SORBS2: variants seen among roughly 807,000 people sequenced by gnomAD.
SORBS2 encodes the protein sorbin and SH3 domain-containing protein 2.
SORBS2 carries 46 observed loss-of-function variants against 97.7 expected under a neutral mutation model. That is an observed-to-expected ratio of 0.47 (90% CI 0.37 to 0.60). SORBS2 has a LOEUF of 0.60. SORBS2 is among the 20% of genes least tolerant of loss of function. The probability of loss-of-function intolerance (pLI) is 0.00; values close to 1 mark genes in which losing one functional copy is unlikely to be tolerated. For missense variants in SORBS2, 1,316 were observed against 1,282.3 expected (o/e 1.03, Z -0.40); for synonymous variants, 476 against 473.4 (o/e 1.01, Z -0.07).
At chr4:185,940,434 G>A (rs1032597044) in intron 1 of SORBS2, among the ~76,000 whole-genome samples, 5 of 152,076 alleles carry the variant, frequency 3.3e-5, no homozygotes, top group African/African-American at 1.2e-4. Context: ...TTGCAATCCT[G>A]TTGCAGCTCA....
At chr4:185,901,238 T>C (rs1038664061) in intron 1 of SORBS2, among the ~76,000 whole-genome samples, 1 of 152,142 alleles carries the variant, frequency 6.6e-6, no homozygotes, top group African/African-American at 2.4e-5. Context: ...AGTTTCACTC[T>C]TGTTGCCCAG....
At position 185,587,576 on chromosome 4, in the gene SORBS2, G is replaced by A. The variant is rs1485659996; in HGVS notation, c.*51C>T. The A allele has an allele frequency of 3.2e-6, 5 of 1,549,936 alleles. No individual in the cohort carries two copies. In the African/African-American group the frequency reaches 6.8e-5, roughly 21 times the overall value. On this transcript the variant is annotated 3_prime_UTR_variant, in exon 15 of 15. Coordinates refer to ENST00000418609, the Ensembl canonical transcript of SORBS2. Reference sequence around the variant, plus strand: ...GCCCGCGGGGTGTTTCAGGCGCGTTGACGCAGGTGCATGGCTGGCAGGCGG... The same window carrying A: ...GCCCGCGGGGTGTTTCAGGCGCGTTAACGCAGGTGCATGGCTGGCAGGCGG...
At chr4:185,627,262 C>T (rs368941341) in intron 5 of SORBS2, among the ~76,000 whole-genome samples, 43 of 152,300 alleles carry the variant, frequency 2.8e-4, no homozygotes, top group Middle Eastern at 6.8e-3. Flanking sequence ...AGGCTGGAAG[C>T]GCAGTGGTGC....
intron 2 of SORBS2, among the ~76,000 whole-genome samples, chr4:185,708,172 G>A (rs2098374193): frequency 6.6e-6 from 1 of 152,168 alleles, no homozygotes; most frequent in Non-Finnish European, 1.5e-5. Flanking sequence ...CAGGGGAGAT[G>A]TTCTTAGATG....
chr4:185,605,721 A>T (rs1026291379), intron 12 of SORBS2, among the ~76,000 whole-genome samples: 2 of 152,070 alleles, frequency 1.3e-5, no homozygotes, highest in Non-Finnish European at 2.9e-5. Flanking sequence ...AGTAGCTGGG[A>T]TTGTAGGCAC....
chr4:185,764,648 C>T (rs569548828), intron 2 of SORBS2, among the ~76,000 whole-genome samples: 4 of 152,234 alleles, frequency 2.6e-5, no homozygotes, highest in African/African-American at 7.2e-5. Context: ...TCAATGTTAG[C>T]AGCTGTGAAA....
intron 4 of SORBS2, among the ~76,000 whole-genome samples, chr4:185,634,343 A>G (rs1469844943): frequency 6.6e-6 from 1 of 152,208 alleles, no homozygotes; most frequent in Non-Finnish European, 1.5e-5. Flanking sequence ...GCACATATTT[A>G]AGACTTTTAA....
chr4:185,685,072 GT>G (rs1278369036), intron 2 of SORBS2, among the ~76,000 whole-genome samples: 1 of 152,202 alleles, frequency 6.6e-6, no homozygotes, highest in African/African-American at 2.4e-5. Context: ...AGGTATCACT[GT>G]TTTAGTGAAA....
chr4:185,655,949 C>T (rs2097393851), intron 1 of SORBS2, among the ~76,000 whole-genome samples: 1 of 152,174 alleles, frequency 6.6e-6, no homozygotes, highest in African/African-American at 2.4e-5. Context: ...TTAATTTTGT[C>T]TATACTATGC....
rs2099014989 is a variant in SORBS2 at position 185,779,150 on chromosome 4, T to C, written c.-337-3784A>G. ...GCAGCTTTGCTTCTCACTTTCTTGG[T>C]TGAACCTTTCAGAAAACTTTTAAAA... On this transcript the variant is annotated intron_variant, in intron 1 of 20. Transcript: ENST00000284776. 2.0e-5 allele frequency among the ~76,000 whole-genome samples: 3 copies of C among 151,472 alleles called. No homozygotes were observed. In the Admixed American group the frequency reaches 2.0e-4, roughly 10 times the overall value.
intron 2 of SORBS2, among the ~76,000 whole-genome samples, chr4:185,721,875 C>A (rs2098517532): frequency 6.6e-6 from 1 of 152,194 alleles, no homozygotes; most frequent in Non-Finnish European, 1.5e-5. Context: ...TGTTGCTCAA[C>A]TTCCAAATAA....
At chr4:185,935,714 G>A (rs189883078) in intron 1 of SORBS2, among the ~76,000 whole-genome samples, 332 of 152,274 alleles carry the variant, frequency 2.2e-3, no homozygotes, top group Non-Finnish European at 3.4e-3. Flanking sequence ...ATATGTATAT[G>A]GGTGGAAAAC....
intron 1 of SORBS2, among the ~76,000 whole-genome samples, chr4:185,790,458 G>A (rs940709627): frequency 6.6e-6 from 1 of 152,160 alleles, no homozygotes; most frequent in Non-Finnish European, 1.5e-5. Flanking sequence ...CCACTTATCT[G>A]TTGAATGTGT....
chr4:185,893,577 T>G (rs1015083952), intron 1 of SORBS2, among the ~76,000 whole-genome samples: 3 of 152,164 alleles, frequency 2.0e-5, no homozygotes, highest in Non-Finnish European at 4.4e-5. Flanking sequence ...TAAAACAAAC[T>G]GACAATAGAC....
At position 185,746,538 on chromosome 4, in the gene SORBS2, G is replaced by A. The variant is rs1009842671; in HGVS notation, c.-198+28689C>T. Among the ~76,000 whole-genome samples, 18 of 152,114 alleles carry A rather than the reference G, an allele frequency of 1.2e-4. 1 individual carries two copies. Among genetic ancestry groups the A allele is most frequent in the African/African-American group, 3.4e-4 (14 of 41,416 alleles). On this transcript the variant is annotated intron_variant, in intron 2 of 20. Transcript: ENST00000284776. ...CACCATGTTGGCCAGGCTGGTTCTCGAACTTCTGACCTCAAGTGGTCCTCC... is the reference window on the plus strand; with the variant it reads ...CACCATGTTGGCCAGGCTGGTTCTCAAACTTCTGACCTCAAGTGGTCCTCC...
rs112177145 is a variant in SORBS2 at position 185,758,213 on chromosome 4, C to A, written c.-198+17014G>T. Among the ~76,000 whole-genome samples, 190 of 152,322 alleles carry A rather than the reference C, an allele frequency of 1.2e-3. 1 individual carries two copies. The highest frequency in any genetic ancestry group is 4.4e-3 in the African/African-American group (181 of 41,566). ...CACTTGACTTTTTAAAATTAAATAT[C>A]ATGCGAAAGACTTTCCAGAATTACA... On this transcript the variant is annotated intron_variant, in intron 2 of 20. Transcript: ENST00000284776.
chr4:185,917,939 A>G (rs978816148), intron 1 of SORBS2, among the ~76,000 whole-genome samples: 2 of 152,332 alleles, frequency 1.3e-5, no homozygotes, highest in Admixed American at 1.3e-4. Flanking sequence ...TCAACGATAG[A>G]ACGGGTCAAG....
intron 1 of SORBS2, among the ~76,000 whole-genome samples, chr4:185,941,175 G>GTT (rs200207277): frequency 1.3e-5 from 2 of 152,138 alleles, no homozygotes; most frequent in East Asian, 3.8e-4. Context: ...CCATTCTAAA[G>GTT]TTTTTACATT....
chr4:185,703,771 T>G (rs1272215493), intron 2 of SORBS2, among the ~76,000 whole-genome samples: 1 of 152,238 alleles, frequency 6.6e-6, no homozygotes, highest in East Asian at 1.9e-4. Context: ...GGATGTTTAC[T>G]TTACATAAAT....
Sources: gnomAD v4.1 joint callset for allele counts (sites outside exome capture counted in the v4.1 genomes callset) on GRCh38, gnomAD v4.1.1 for gene constraint, MANE v1.5 for transcripts, NCBI Gene and HGNC (gene_info 2026-07-23, HGNC 2026-07-21) for gene names.